DIPK1A: variants seen among roughly 807,000 people sequenced by gnomAD.
DIPK1A encodes family with sequence similarity 69 member A.
Under a neutral mutation model 40.8 loss-of-function variants are expected in DIPK1A, and 27 were observed. That is an observed-to-expected ratio of 0.66 (90% CI 0.49 to 0.91). The LOEUF is 0.91. DIPK1A is among the 40% of genes least tolerant of loss of function. The pLI is 0.00. For synonymous variants in DIPK1A, 166 were observed against 171.3 expected, an observed-to-expected ratio of 0.97 and a Z score of 0.24; for missense variants, 412 against 505.7, an observed-to-expected ratio of 0.81 and a Z score of 1.78.
chr1:92,895,859 AACAG>A (rs1339232203), intron 1 of DIPK1A, among the ~76,000 whole-genome samples: 2 of 152,248 alleles, frequency 1.3e-5, no homozygotes, highest in Non-Finnish European at 1.5e-5. Context: ...ATACACCAAT[AACAG>A]ACAAACAGAG....
intron 1 of DIPK1A, among the ~76,000 whole-genome samples, chr1:92,902,260 G>A (rs1649448949): frequency 6.6e-6 from 1 of 152,202 alleles, no homozygotes; most frequent in African/African-American, 2.4e-5. Flanking sequence ...CTTCAGCTCT[G>A]GCCCAAAGGG....
intron 3 of DIPK1A, 68 bp from the exon 4 acceptor site, chr1:92,847,427 A>G (rs900003715): frequency 5.1e-5 from 52 of 1,015,196 alleles, no homozygotes; most frequent in Non-Finnish European, 7.1e-5. Context: ...ATACTACTAT[A>G]TTTTTAGGGT....
At chr1:92,931,960 A>G in intron 1 of DIPK1A, 1 of 351,176 alleles carries the variant, frequency 2.8e-6, no homozygotes, top group Non-Finnish European at 5.9e-6. Flanking sequence ...TCAGGCAAAT[A>G]AAGTACTTGC....
At chr1:92,864,544 G>A (rs79666458) in intron 2 of DIPK1A, among the ~76,000 whole-genome samples, 5,542 of 152,096 alleles carry the variant, frequency 0.036, 286 homozygotes, top group African/African-American at 0.11. Context: ...TGTATAGAAG[G>A]GAAATATTCT....
chr1:92,880,055 G>A (rs1648299323), intron 1 of DIPK1A, among the ~76,000 whole-genome samples: 1 of 152,206 alleles, frequency 6.6e-6, no homozygotes, highest in Non-Finnish European at 1.5e-5. Flanking sequence ...AATGTCTGGA[G>A]ACATGTTTGG....
chr1:92,927,881 C>T (rs1650585386), intron 1 of DIPK1A, among the ~76,000 whole-genome samples: 1 of 152,100 alleles, frequency 6.6e-6, no homozygotes, highest in Admixed American at 6.6e-5. Flanking sequence ...TGGATTGTTT[C>T]CACTTTTTTA....
At chr1:92,833,296 A>G (rs1686985358) in intron 4 of DIPK1A, 17 of 1,022,246 alleles carry the variant, frequency 1.7e-5, no homozygotes, top group Non-Finnish European at 2.3e-5. Flanking sequence ...TTACTCTTGA[A>G]GTTCAAGTGT....
intron 4 of DIPK1A, chr1:92,835,038 T>C: frequency 7.3e-7 from 1 of 1,377,888 alleles, no homozygotes; most frequent in African/African-American, 1.4e-5. Context: ...GCTTCCAGTT[T>C]TCTGCTTTGT....
chr1:92,925,492 T>C (rs1383607961), intron 1 of DIPK1A, among the ~76,000 whole-genome samples: 2 of 152,108 alleles, frequency 1.3e-5, no homozygotes, highest in Non-Finnish European at 2.9e-5. Flanking sequence ...TGGGGTTTTT[T>C]TGTTTTTTTG....
chr1:92,842,795 TAAGCCACTTG>T lies in DIPK1A; in HGVS notation c.*578_*587del. ...CTGTCAAGTATAAGATTTCTTGAAG[TAAGCCACTTG>T]AACCATTGTGAAGCTACACATAACT... On this transcript the variant is annotated 3_prime_UTR_variant, in exon 5 of 5. Coordinates refer to ENST00000370310, the MANE Select transcript of DIPK1A (RefSeq NM_001006605.5). The T allele has an allele frequency of 1.0e-6, 1 of 985,452 alleles. No individual in the cohort carries two copies. The allele number at this position is 985,452 out of a possible 1,614,324, so 61.0% of individuals were successfully genotyped here.
chr1:92,873,258 C>T (rs1647959605), intron 2 of DIPK1A, among the ~76,000 whole-genome samples: 1 of 152,102 alleles, frequency 6.6e-6, no homozygotes, highest in Non-Finnish European at 1.5e-5. Flanking sequence ...CTGTATATTT[C>T]AATTTTAGAT....
rs757267033 is a variant in DIPK1A, at chr1:92,929,566, G to C, written c.54+31810C>G. Among the ~76,000 whole-genome samples, 72 of 152,120 alleles carry C rather than the reference G, an allele frequency of 4.7e-4. No individual in the cohort carries two copies. In the Middle Eastern group the frequency reaches 0.017, roughly 36 times the overall value. Reference sequence around the variant, plus strand: ...ATTTCTGCCTCTGGAGCCAGGCACAGACTGGGGAGTACCTTCAGGGGCAAG... The same window carrying C: ...ATTTCTGCCTCTGGAGCCAGGCACACACTGGGGAGTACCTTCAGGGGCAAG... On this transcript the variant is annotated intron_variant, in intron 1 of 4. Transcript: ENST00000370310.
At chr1:92,945,093 A>G (rs1327825212) in intron 1 of DIPK1A, among the ~76,000 whole-genome samples, 2 of 152,102 alleles carry the variant, frequency 1.3e-5, no homozygotes, top group Non-Finnish European at 2.9e-5. Context: ...CTAGGAAGCC[A>G]GTTGTGTAGT....
chr1:92,847,154 A>G, intron 4 of DIPK1A, 29 bp downstream of exon 4: 2 of 1,435,482 alleles, frequency 1.4e-6, no homozygotes, highest in Non-Finnish European at 1.9e-6. Context: ...CCCACTTCAC[A>G]CTAGCAACAT....
chr1:92,959,208 C>A (rs1323484425), intron 1 of DIPK1A, among the ~76,000 whole-genome samples: 1 of 152,000 alleles, frequency 6.6e-6, no homozygotes. Context: ...ATTACCTGAG[C>A]CTGGAAAGTC....
chr1:92,875,494 A>T (rs1184522468), intron 2 of DIPK1A, among the ~76,000 whole-genome samples: 1 of 152,134 alleles, frequency 6.6e-6, no homozygotes, highest in Non-Finnish European at 1.5e-5. Flanking sequence ...AGGAGGGCGG[A>T]TCACTTGAGG....
intron 4 of DIPK1A, among the ~76,000 whole-genome samples, chr1:92,844,804 A>C (rs1687518896): frequency 6.6e-6 from 1 of 152,206 alleles, no homozygotes; most frequent in South Asian, 2.1e-4. Flanking sequence ...AATGAAGATT[A>C]AAAAGTATTT....
At chr1:92,892,003 G>C (rs528033672) in intron 1 of DIPK1A, among the ~76,000 whole-genome samples, 1 of 152,084 alleles carries the variant, frequency 6.6e-6, no homozygotes, top group Admixed American at 6.5e-5. Context: ...TAAACAACGC[G>C]GCCAGGAAGC....
At chr1:92,938,679 A>C (rs575136600) in intron 1 of DIPK1A, among the ~76,000 whole-genome samples, 5 of 152,204 alleles carry the variant, frequency 3.3e-5, no homozygotes, top group African/African-American at 9.6e-5. Context: ...TCATTTTATG[A>C]GCAGGCTAAA....
Sources: gnomAD v4.1 joint callset for allele counts (sites outside exome capture counted in the v4.1 genomes callset) on GRCh38, gnomAD v4.1.1 for gene constraint, MANE v1.5 for transcripts, NCBI Gene and HGNC (gene_info 2026-07-23, HGNC 2026-07-21) for gene names.